The following SLC25A23 variants were observed in gnomAD, a reference collection of about 807,000 sequenced individuals.
SLC25A23 encodes solute carrier family 25 member 23, also known as mitochondrial adenyl nucleotide antiporter SLC25A23.
A neutral mutation model predicts 53.9 loss-of-function variants in SLC25A23; 32 were observed. That is an observed-to-expected ratio of 0.59 (90% CI 0.45 to 0.80). The LOEUF (loss-of-function observed/expected upper bound fraction) is 0.80. SLC25A23 is among the 30% of genes least tolerant of loss of function. The pLI, the probability that SLC25A23 is intolerant of heterozygous loss-of-function variation, is 0.00. For synonymous variants in SLC25A23, 275 were observed against 264.5 expected, an observed-to-expected ratio of 1.04 and a Z score of -0.38; for missense variants, 575 against 651.4, an observed-to-expected ratio of 0.88 and a Z score of 1.28.
intron 4 of SLC25A23, 64 bp downstream of exon 4, chr19:6,456,356 G>C: frequency 1.3e-6 from 2 of 1,514,608 alleles, no homozygotes; most frequent in Non-Finnish European, 1.8e-6. Context: ...TGGGGAGATC[G>C]GAGCAAGGCC....
At chr19:6,443,606 C>T (rs1879142895) in intron 9 of SLC25A23, 2 of 702,898 alleles carry the variant, frequency 2.8e-6, no homozygotes, top group South Asian at 3.0e-5. Flanking sequence ...CCTCTCCGGC[C>T]TGTGAGCTCT....
At chr19:6,458,100 C>T (rs770410967) in intron 2 of SLC25A23, 98 bp downstream of exon 2, 19 of 1,465,816 alleles carry the variant, frequency 1.3e-5, no homozygotes, top group Admixed American at 8.3e-5. Flanking sequence ...CGGCCCTCCC[C>T]CTCTCCTCCT....
intron 2 of SLC25A23, 99 bp from the exon 3 acceptor site, chr19:6,457,689 G>C: frequency 1.9e-6 from 2 of 1,036,416 alleles, no homozygotes. Context: ...AGGTGGTCTA[G>C]CAAGATCAGG....
chr19:6,436,827 C>T (rs1218678968), downstream of SLC25A23, among the ~76,000 whole-genome samples: 4 of 151,468 alleles, frequency 2.6e-5, no homozygotes, highest in East Asian at 5.8e-4. Context: ...GGATTATAGA[C>T]GTGAGCCACT....
At chr19:6,437,198 G>A (rs1312488977), downstream of SLC25A23, among the ~76,000 whole-genome samples, 1 of 151,636 alleles carries the variant, frequency 6.6e-6, no homozygotes, top group African/African-American at 2.4e-5. Context: ...TGTAGAAATG[G>A]GGTCTCACTG....
chr19:6,436,426 T>C, downstream of SLC25A23: 1 of 456,148 alleles, frequency 2.2e-6, no homozygotes, highest in Non-Finnish European at 4.4e-6. Flanking sequence ...CCTTACCACA[T>C]GGTCCTCTCC....
chr19:6,459,377 G>T lies in SLC25A23; in HGVS notation c.156+96C>A, dbSNP rs1385309472. The T allele has an allele frequency of 4.7e-6, 5 of 1,067,104 alleles. No individual in the cohort carries two copies. The highest frequency in any genetic ancestry group is 6.4e-6 in the Non-Finnish European group (5 of 776,324). 66.1% of individuals were successfully genotyped at this position (1,067,104 alleles called of 1,614,324 possible). A position where few individuals can be genotyped will look rare whatever the true frequency, so the allele number is the denominator to read the frequency against. On this transcript the variant is annotated intron_variant, in intron 1 of 9. Transcript: ENST00000301454. The surrounding 1 kb of genome is among the most constrained non-coding windows in gnomAD (Gnocchi z 4.6). ...CACAGGTTCTGGAGTCCAGCCACAG[G>T]TAGTCCCTGGTGGCTCCGGCCGCCC...
At chr19:6,451,489 C>T (rs2092590254) in intron 8 of SLC25A23, among the ~76,000 whole-genome samples, 2 of 152,242 alleles carry the variant, frequency 1.3e-5, no homozygotes, top group South Asian at 4.1e-4. Flanking sequence ...TCTGCGACTT[C>T]ACAGGTCACA....
intron 9 of SLC25A23, chr19:6,443,754 G>A: frequency 1.6e-6 from 1 of 622,154 alleles, no homozygotes; most frequent in Non-Finnish European, 2.9e-6. Flanking sequence ...AGGGGACGGG[G>A]GGAAATAATT....
intron 3 of SLC25A23, 56 bp from the exon 4 acceptor site, chr19:6,456,587 G>C (rs2092686278): frequency 2.1e-6 from 3 of 1,425,010 alleles, no homozygotes; most frequent in African/African-American, 2.8e-5. Flanking sequence ...GGGTGGGCTA[G>C]GCTGGGGTGA....
chr19:6,446,755 C>A (rs1488814198), intron 8 of SLC25A23, among the ~76,000 whole-genome samples: 2 of 152,158 alleles, frequency 1.3e-5, no homozygotes, highest in Non-Finnish European at 1.5e-5. Context: ...CATGTCCCTC[C>A]TTTGGGGGGG....
chr19:6,439,393 TCTCTCTCACACA>T (rs1417658402), downstream of SLC25A23, among the ~76,000 whole-genome samples: 110 of 129,502 alleles, frequency 8.5e-4, no homozygotes, highest in African/African-American at 3.8e-3. Context: ...TATCTCTCTC[TCTCTCTCACACA>T]CACACACACA....
chr19:6,439,417 A>T (rs1391772303), downstream of SLC25A23, among the ~76,000 whole-genome samples: 10 of 151,540 alleles, frequency 6.6e-5, no homozygotes, highest in Admixed American at 6.6e-4. Flanking sequence ...ACACACACAC[A>T]CACACACACA....
At chr19:6,458,384 C>G in intron 1 of SLC25A23, 60 bp from the exon 2 acceptor site, 2 of 1,568,734 alleles carry the variant, frequency 1.3e-6, no homozygotes, top group Non-Finnish European at 1.7e-6. Context: ...CTGGAGGGGA[C>G]GCATGTCACC....
intron 7 of SLC25A23, among the ~76,000 whole-genome samples, chr19:6,453,293 G>A (rs1408388886): frequency 2.0e-5 from 3 of 147,370 alleles, no homozygotes; most frequent in African/African-American, 5.0e-5. Flanking sequence ...CAGACTGAGT[G>A]CAGTGACATG....
At position 6,454,542 on chromosome 19, in the gene SLC25A23, T is replaced by C. The variant is rs1374634540; in HGVS notation, c.642+17A>G. The C allele has an allele frequency of 6.2e-7, 1 of 1,612,664 alleles. No homozygotes were observed. Among genetic ancestry groups the C allele is most frequent in the South Asian group, 1.1e-5 (1 of 91,040 alleles). On this transcript the variant is annotated intron_variant, in intron 5 of 9. Coordinates refer to ENST00000301454, the MANE Select transcript of SLC25A23 (RefSeq NM_024103.3). The surrounding 1 kb of genome is among the most constrained non-coding windows in gnomAD (Gnocchi z 4.3). ...TCAGGCCTGGGGGAGGGGGCAGGTC[T>C]CTCCAGAGCCCCTCACCTGCATGAA...
chr19:6,444,249 C>G lies in SLC25A23; in HGVS notation c.1124G>C (p.Gly375Ala). ...QQYSHDSADPGILVLLACGTI... is the reference protein window; with the variant it reads ...QQYSHDSADPAILVLLACGTI... Reference sequence around the variant, plus strand: ...ACCGCAGGCCAGGAGCACGAGGATGCCTGGGTCTGCCGAGTCGTGGCTGTA... The same window carrying G: ...ACCGCAGGCCAGGAGCACGAGGATGGCTGGGTCTGCCGAGTCGTGGCTGTA... The change falls in exon 9 of 10, where the codon GGC (glycine) becomes GCC (alanine). Residue 375 changes from glycine (G) to alanine (A), a missense_variant. Coordinates refer to ENST00000301454, the MANE Select transcript of SLC25A23 (RefSeq NM_024103.3). 6.2e-7 allele frequency: 1 copy of G among 1,606,576 alleles called. No individual in the cohort carries two copies. Among genetic ancestry groups the G allele is most frequent in the Non-Finnish European group, 8.5e-7 (1 of 1,177,400 alleles).
At chr19:6,453,248 T>TTG (rs1818723697) in intron 7 of SLC25A23, among the ~76,000 whole-genome samples, 1 of 149,950 alleles carries the variant, frequency 6.7e-6, no homozygotes, top group Non-Finnish European at 1.5e-5. Flanking sequence ...AGTTTTTTTT[T>TTG]TTTTTTTTTT....
Position 6,452,405 on chromosome 19 carries a change from C to T in SLC25A23, c.978G>A (p.Leu326=), listed in dbSNP as rs145400081. The T allele has an allele frequency of 1.6e-5, 26 of 1,613,884 alleles. No homozygotes were observed. Among genetic ancestry groups the T allele is most frequent in the Non-Finnish European group, 2.1e-5 (25 of 1,179,958 alleles). The part of the protein sequence containing the change: ...KGLLDCARRI[L]EREGPRAFYR... ...AGAAGGCACGGGGCCCCTCCCTCTCCAGGATACGCCTGGCGCAGTCCAGCA... is the reference window on the plus strand; with the variant it reads ...AGAAGGCACGGGGCCCCTCCCTCTCTAGGATACGCCTGGCGCAGTCCAGCA... The change falls in exon 8 of 10, where the codon CTG becomes CTA. Residue 326 remains leucine, a synonymous_variant. Coordinates refer to ENST00000301454, the MANE Select transcript of SLC25A23 (RefSeq NM_024103.3).
Sources: gnomAD v4.1 joint callset for allele counts (sites outside exome capture counted in the v4.1 genomes callset) on GRCh38, gnomAD v4.1.1 for gene constraint, Gnocchi (gnomAD v3.1) non-coding constraint, MANE v1.5 for transcripts, NCBI Gene and HGNC (gene_info 2026-07-23, HGNC 2026-07-21) for gene names.